Variants in VPS13A observed in about 807,000 individuals in gnomAD.
VPS13A encodes intermembrane lipid transfer protein VPS13A.
A neutral mutation model predicts 390.9 loss-of-function variants in VPS13A; 264 were observed. That is an observed-to-expected ratio of 0.68 (90% CI 0.61 to 0.75). The LOEUF (loss-of-function observed/expected upper bound fraction) is 0.75. Ranked by LOEUF, VPS13A falls within the 30% of genes least tolerant of loss-of-function variation. VPS13A has a pLI of 0.00. For synonymous variants in VPS13A, 1,231 were observed against 1,227.1 expected (o/e 1.00, Z -0.07); for missense variants, 3,409 against 3,733.9 (o/e 0.91, Z 2.27).
chr9:77,331,222 C>A (rs1830260271), intron 45 of VPS13A, among the ~76,000 whole-genome samples: 1 of 151,954 alleles, frequency 6.6e-6, no homozygotes, highest in Admixed American at 6.6e-5. Context: ...GTAAACATTT[C>A]TCTAGGTATG....
chr9:77,184,140 A>G (rs539891909), intron 1 of VPS13A, among the ~76,000 whole-genome samples: 1 of 152,224 alleles, frequency 6.6e-6, no homozygotes, highest in Non-Finnish European at 1.5e-5. Flanking sequence ...TGACAAATAC[A>G]TACACACATG....
intron 45 of VPS13A, among the ~76,000 whole-genome samples, chr9:77,329,167 G>A (rs1333840195): frequency 2.0e-5 from 3 of 152,130 alleles, no homozygotes; most frequent in African/African-American, 7.2e-5. Flanking sequence ...ATTTGGGTGG[G>A]GGACCTAGCC....
At chr9:77,256,177 T>C (rs1825434078) in intron 22 of VPS13A, among the ~76,000 whole-genome samples, 1 of 152,100 alleles carries the variant, frequency 6.6e-6, no homozygotes, top group African/African-American at 2.4e-5. Flanking sequence ...CCTATGAATT[T>C]TGGTATGTTG....
At chr9:77,303,121 G>T (rs1828480311) in intron 34 of VPS13A, 59 bp downstream of exon 34, 2 of 1,573,580 alleles carry the variant, frequency 1.3e-6, no homozygotes, top group Non-Finnish European at 1.7e-6. Flanking sequence ...TACTGCTTGG[G>T]GACATAAGGC....
intron 17 of VPS13A, 73 bp downstream of exon 17, chr9:77,228,337 CT>C: frequency 7.1e-7 from 1 of 1,415,534 alleles, no homozygotes; most frequent in African/African-American, 1.4e-5. Context: ...AGGTCACAAT[CT>C]TAGTCTTTTG....
In VPS13A at chr9:77,403,340, C is replaced by A. The variant is rs367598003; in HGVS notation, c.9275+19C>A. 1.3e-6 allele frequency: 2 copies of A among 1,595,198 alleles called. No homozygotes were observed. The highest frequency in any genetic ancestry group is 2.2e-5 in the South Asian group (2 of 90,760). ...CCAGACGGTAACTTGCTTTCTTTCT[C>A]TTACGTAATTTTATAAGGGGTTAAC... On this transcript the variant is annotated intron_variant, in intron 69 of 71. Transcript: ENST00000360280.
intron 68 of VPS13A, among the ~76,000 whole-genome samples, chr9:77,396,932 T>C (rs1387902305): frequency 1.3e-5 from 2 of 152,222 alleles, no homozygotes; most frequent in Admixed American, 1.3e-4. Context: ...AACCATTTGT[T>C]ATCTATATAT....
intron 33 of VPS13A, among the ~76,000 whole-genome samples, chr9:77,299,339 T>C (rs1001655743): frequency 6.6e-6 from 1 of 152,132 alleles, no homozygotes; most frequent in African/African-American, 2.4e-5. Flanking sequence ...AATCTATAAA[T>C]TACTTTGGGC....
chr9:77,300,226 G>A (rs1828264820), intron 33 of VPS13A, among the ~76,000 whole-genome samples: 1 of 151,972 alleles, frequency 6.6e-6, no homozygotes, highest in South Asian at 2.1e-4. Flanking sequence ...TCTGCCTTTT[G>A]TTAGAAATTT....
At position 77,416,040 on chromosome 9, in the gene VPS13A, G is replaced by C; in HGVS notation, c.*34G>C. 6.2e-7 allele frequency: 1 copy of C among 1,611,586 alleles called. No individual in the cohort carries two copies. The highest frequency in any genetic ancestry group is 1.1e-5 in the South Asian group (1 of 91,028). On this transcript the variant is annotated 3_prime_UTR_variant, in exon 72 of 72. Coordinates refer to ENST00000360280, the MANE Select transcript of VPS13A (RefSeq NM_033305.3). The stretch of plus-strand genomic sequence containing the variant: ...ACTGCCTGAAGACACACAGCAATAA[G>C]TGATTACAGCTCCTAGACTACCTTC...
At chr9:77,306,008 G>T (rs974789380) in intron 34 of VPS13A, among the ~76,000 whole-genome samples, 3 of 152,108 alleles carry the variant, frequency 2.0e-5, no homozygotes, top group Non-Finnish European at 1.5e-5. Context: ...ATACTAACTG[G>T]AAGACATGGT....
intron 61 of VPS13A, 116 bp from the exon 62 acceptor site, chr9:77,367,939 G>T: frequency 1.1e-6 from 1 of 951,974 alleles, no homozygotes; most frequent in Non-Finnish European, 1.6e-6. Context: ...ATGGGAAAAT[G>T]TACTAGAAGG....
chr9:77,209,230 A>T (rs921556562), intron 5 of VPS13A, among the ~76,000 whole-genome samples, 193 bp from the exon 6 acceptor site: 2 of 152,204 alleles, frequency 1.3e-5, no homozygotes, highest in Non-Finnish European at 2.9e-5. Context: ...CTTTAGTCTC[A>T]TGGCACAATA....
intron 45 of VPS13A, among the ~76,000 whole-genome samples, chr9:77,328,988 A>T (rs1374701232): frequency 6.6e-6 from 1 of 152,020 alleles, no homozygotes; most frequent in Non-Finnish European, 1.5e-5. Flanking sequence ...CAGGAAGGAG[A>T]AGTGAATGCA....
intron 24 of VPS13A, among the ~76,000 whole-genome samples, chr9:77,274,767 C>G (rs1826548786): frequency 6.6e-6 from 1 of 151,978 alleles, no homozygotes; most frequent in African/African-American, 2.4e-5. Context: ...CATGTCGATT[C>G]TTGGTTTCTT....
At chr9:77,201,458 A>C in intron 3 of VPS13A, 51 bp downstream of exon 3, 1 of 1,419,660 alleles carries the variant, frequency 7.0e-7, no homozygotes, top group South Asian at 1.2e-5. Context: ...ATGCAGCCAG[A>C]ATAATTTGCC....
intron 23 of VPS13A, among the ~76,000 whole-genome samples, chr9:77,261,611 G>A (rs1485818449): frequency 6.7e-6 from 1 of 149,146 alleles, no homozygotes; most frequent in African/African-American, 2.5e-5. Context: ...TTGGGACGAA[G>A]TCTCCCTCTT....
At chr9:77,277,237 A>T (rs1826737287) in intron 26 of VPS13A, among the ~76,000 whole-genome samples, 1 of 152,208 alleles carries the variant, frequency 6.6e-6, no homozygotes, top group Admixed American at 6.5e-5. Context: ...AATATTATGT[A>T]TGAGCAGAGG....
At chr9:77,289,881 A>G (rs1827549525) in intron 31 of VPS13A, among the ~76,000 whole-genome samples, 1 of 151,734 alleles carries the variant, frequency 6.6e-6, no homozygotes, top group Non-Finnish European at 1.5e-5. Context: ...CCGGGGTTCA[A>G]GTGATTCTTC....
Sources: allele counts gnomAD v4.1 joint callset (sites outside exome capture counted in the v4.1 genomes callset), GRCh38; gene constraint gnomAD v4.1.1; transcripts MANE v1.5; gene names NCBI Gene and HGNC (gene_info 2026-07-23, HGNC 2026-07-21).